ATXN1: variants seen among roughly 807,000 people sequenced by gnomAD.
ATXN1 encodes the protein ataxin-1.
ATXN1 carries 8 observed loss-of-function variants against 56.4 expected under a neutral mutation model. The observed-to-expected ratio is 0.14, with a 90% CI of 0.08 to 0.26. ATXN1 has a LOEUF of 0.26. Among genes scored for constraint, ATXN1 ranks in the 10% least tolerant of loss-of-function variants. ATXN1 has a pLI of 1.00. For synonymous variants in ATXN1, 514 were observed against 494.6 expected (o/e 1.04, Z -0.52); for missense variants, 987 against 1,106.5 (o/e 0.89, Z 1.53).
chr6:16,332,355 G>A (rs1761012608), intron 6 of ATXN1, among the ~76,000 whole-genome samples: 1 of 151,954 alleles, frequency 6.6e-6, no homozygotes, highest in East Asian at 1.9e-4. Flanking sequence ...AAACAACAAA[G>A]AAGTAACTTA....
intron 2 of ATXN1, among the ~76,000 whole-genome samples, chr6:16,688,913 A>G (rs1339429659): frequency 1.3e-5 from 2 of 152,130 alleles, no homozygotes; most frequent in South Asian, 2.1e-4. Flanking sequence ...AAGCATGGAA[A>G]TAGACTTGGA....
At chr6:16,628,088 T>C (rs1581309172) in intron 3 of ATXN1, among the ~76,000 whole-genome samples, 1 of 152,178 alleles carries the variant, frequency 6.6e-6, no homozygotes, top group African/African-American at 2.4e-5. Context: ...CAAATAAAAA[T>C]AAACAGACAC....
chr6:16,441,778 T>C (rs1275544361), intron 6 of ATXN1, among the ~76,000 whole-genome samples: 1 of 152,054 alleles, frequency 6.6e-6, no homozygotes, highest in Admixed American at 6.6e-5. Context: ...ATACAACAGA[T>C]AATCTTTGAG....
intron 2 of ATXN1, among the ~76,000 whole-genome samples, chr6:16,736,615 T>C (rs774536372): frequency 6.6e-6 from 1 of 152,218 alleles, no homozygotes; most frequent in Non-Finnish European, 1.5e-5. Context: ...GGAAATCCAA[T>C]TGAAGGATTA....
chr6:16,537,572 G>A (rs536840235), intron 4 of ATXN1, among the ~76,000 whole-genome samples: 2 of 152,044 alleles, frequency 1.3e-5, no homozygotes, highest in Non-Finnish European at 2.9e-5. Context: ...TGGACGTGGT[G>A]GCAGGTGCCT....
At chr6:16,482,663 T>C (rs1355764645) in intron 6 of ATXN1, among the ~76,000 whole-genome samples, 2 of 152,124 alleles carry the variant, frequency 1.3e-5, no homozygotes, top group Non-Finnish European at 2.9e-5. Flanking sequence ...GACCAATGAG[T>C]GTGGACCCTA....
chr6:16,733,429 G>A (rs1336467336), intron 2 of ATXN1, among the ~76,000 whole-genome samples: 7 of 152,118 alleles, frequency 4.6e-5, no homozygotes, highest in Non-Finnish European at 1.0e-4. Flanking sequence ...TGGGTGTGGT[G>A]GTGCACAGCG....
chr6:16,656,981 CTTT>C (rs869034865), intron 3 of ATXN1, among the ~76,000 whole-genome samples: 24 of 120,398 alleles, frequency 2.0e-4, no homozygotes, highest in Admixed American at 5.5e-4. Context: ...GTATTATAAT[CTTT>C]TTTTTTTTTT....
At chr6:16,329,900 A>G (rs927095210) in intron 6 of ATXN1, among the ~76,000 whole-genome samples, 1 of 152,232 alleles carries the variant, frequency 6.6e-6, no homozygotes, top group Non-Finnish European at 1.5e-5. Flanking sequence ...AGTGGAACTG[A>G]CATGACCCAG....
At chr6:16,523,753 G>A (rs568310591) in intron 4 of ATXN1, among the ~76,000 whole-genome samples, 14 of 152,170 alleles carry the variant, frequency 9.2e-5, no homozygotes, top group Non-Finnish European at 1.9e-4. Context: ...CCGTGAGGAA[G>A]CCACAGTGTC....
chr6:16,441,581 T>C (rs1759517638), intron 6 of ATXN1, among the ~76,000 whole-genome samples: 2 of 143,636 alleles, frequency 1.4e-5, no homozygotes, highest in South Asian at 4.5e-4. Flanking sequence ...TAAAAGAAAA[T>C]GAGGCAGTAA....
At chr6:16,369,641 T>A (rs572226485) in intron 6 of ATXN1, among the ~76,000 whole-genome samples, 30 of 152,338 alleles carry the variant, frequency 2.0e-4, no homozygotes, top group African/African-American at 6.7e-4. Flanking sequence ...GCAAAGGGTA[T>A]AAGTCTTCAA....
chr6:16,564,773 G>A (rs545932605), intron 4 of ATXN1, among the ~76,000 whole-genome samples: 42 of 152,224 alleles, frequency 2.8e-4, no homozygotes, highest in Admixed American at 7.8e-4. Flanking sequence ...TGATGAAAAT[G>A]TTCTAAAATT....
chr6:16,353,940 T>TA (rs1330540605), intron 6 of ATXN1, among the ~76,000 whole-genome samples: 2 of 152,184 alleles, frequency 1.3e-5, no homozygotes, highest in African/African-American at 4.8e-5. Context: ...ATCTGTATTT[T>TA]AAAAATCTCT....
At chr6:16,674,605 C>T (rs1758621378) in intron 2 of ATXN1, among the ~76,000 whole-genome samples, 1 of 151,720 alleles carries the variant, frequency 6.6e-6, no homozygotes, top group African/African-American at 2.4e-5. Flanking sequence ...GATCTGCCCA[C>T]CTTGGCCTCC....
intron 6 of ATXN1, among the ~76,000 whole-genome samples, chr6:16,361,493 G>A (rs527524992): frequency 6.6e-6 from 1 of 152,194 alleles, no homozygotes; most frequent in South Asian, 2.1e-4. Flanking sequence ...AATATCTGAT[G>A]GATTGTCTCA....
chr6:16,351,631 G>C (rs1302160013), intron 6 of ATXN1, among the ~76,000 whole-genome samples: 1 of 152,058 alleles, frequency 6.6e-6, no homozygotes, highest in Non-Finnish European at 1.5e-5. Flanking sequence ...TTGAACTCTT[G>C]GGCTCAAGAG....
chr6:16,584,237 T>G (rs1228578599), intron 4 of ATXN1, among the ~76,000 whole-genome samples: 2 of 129,226 alleles, frequency 1.5e-5, no homozygotes, highest in African/African-American at 6.1e-5. Flanking sequence ...TATATATATA[T>G]ATATATACAC....
chr6:16,643,252 CAA>C (rs111830296), intron 3 of ATXN1, among the ~76,000 whole-genome samples: 54 of 106,352 alleles, frequency 5.1e-4, no homozygotes, highest in African/African-American at 3.2e-4. Context: ...ACTCCCAACT[CAA>C]AAAAAAAAAA....
Sources: gnomAD v4.1 joint callset for allele counts (sites outside exome capture counted in the v4.1 genomes callset) on GRCh38, gnomAD v4.1.1 for gene constraint, MANE v1.5 for transcripts, NCBI Gene and HGNC (gene_info 2026-07-23, HGNC 2026-07-21) for gene names.